Variants in TAFA3 observed in about 807,000 individuals in gnomAD.
TAFA3 encodes TAFA chemokine like family member 3, also known as chemokine-like protein TAFA-3.
In TAFA3, 17 loss-of-function variants were observed where a neutral mutation model predicts 20.7. That is an observed-to-expected ratio of 0.82 (90% CI 0.56 to 1.23). The LOEUF is 1.23. Ranked by LOEUF, TAFA3 falls within the 50% of genes most tolerant of loss-of-function variation. The probability of loss-of-function intolerance (pLI) is 0.00; values close to 1 mark genes in which losing one functional copy is unlikely to be tolerated. For missense variants in TAFA3, 174 were observed against 172.8 expected (o/e 1.01, Z -0.04); for synonymous variants, 74 against 71.8 (o/e 1.03, Z -0.16).
intron 3 of TAFA3, 140 bp downstream of exon 3, chr1:112,722,488 T>C: frequency 5.7e-6 from 4 of 703,722 alleles, no homozygotes; most frequent in Non-Finnish European, 9.4e-6. Flanking sequence ...CGGCTCCTCC[T>C]CTGCTCTTTA....
chr1:112,726,824 A>C lies in TAFA3; in HGVS notation c.*184A>C, dbSNP rs933991016. On this transcript the variant is annotated 3_prime_UTR_variant, in exon 6 of 6. Transcript: ENST00000361886. ...GATATGGATGGATCTGCAATCACAT[A>C]CCTAATGTGGAGCTGGGCTTTTCTG... is the stretch of plus-strand genomic sequence containing the variant. The C allele has an allele frequency of 1.6e-5, 13 of 834,268 alleles. No homozygotes were observed. The highest frequency in any genetic ancestry group is 2.4e-4 in the Middle Eastern group (1 of 4,104). 51.7% of individuals were successfully genotyped at this position (834,268 alleles called of 1,614,324 possible). A position where few individuals can be genotyped will look rare whatever the true frequency, so the allele number is the denominator to read the frequency against.
intron 5 of TAFA3, among the ~76,000 whole-genome samples, chr1:112,724,451 G>A (rs1029076437): frequency 9.2e-5 from 14 of 151,864 alleles, no homozygotes; most frequent in Admixed American, 2.0e-4. Context: ...ATACTATGCA[G>A]CCATAAAAAA....
chr1:112,723,905 C>T (rs1486074984), intron 4 of TAFA3, 108 bp from the exon 5 acceptor site: 1 of 1,608,136 alleles, frequency 6.2e-7, no homozygotes, highest in East Asian at 2.2e-5. Context: ...ATGCATGGCT[C>T]AAGGCCAGGG....
chr1:112,726,551 T>C lies in TAFA3; in HGVS notation c.391-78T>C, dbSNP rs878888622. ...AGCAATGTCCTCTAAGTGACCTGCATATTCTGGGTAGTCTCTGGCATGCTG... is the reference window on the plus strand; with the variant it reads ...AGCAATGTCCTCTAAGTGACCTGCACATTCTGGGTAGTCTCTGGCATGCTG... On this transcript the variant is annotated intron_variant, in intron 5 of 5. Coordinates refer to ENST00000361886, the MANE Select transcript of TAFA3 (RefSeq NM_182759.3). 5 of 1,489,316 alleles carry C rather than the reference T, an allele frequency of 3.4e-6. No homozygotes were observed. In the South Asian group the frequency reaches 4.6e-5, roughly 14 times the overall value. The allele number at this position is 1,489,316 out of a possible 1,614,324, so 92.3% of individuals were successfully genotyped here. A position where few individuals can be genotyped will look rare whatever the true frequency, so the allele number is the denominator to read the frequency against.
At chr1:112,723,804 G>C in intron 4 of TAFA3, 1 of 866,954 alleles carries the variant, frequency 1.2e-6, no homozygotes, top group African/African-American at 1.7e-5. Context: ...TGCAGGGATC[G>C]GTGGGATTAA....
In TAFA3 at chr1:112,726,943, A is replaced by G. The variant is rs1675485335; in HGVS notation, c.*303A>G. 2 of 442,420 alleles carry G rather than the reference A, an allele frequency of 4.5e-6. No individual in the cohort carries two copies. The highest frequency in any genetic ancestry group is 8.1e-5 in the East Asian group (2 of 24,702). 27.4% of individuals were successfully genotyped at this position (442,420 alleles called of 1,614,324 possible). On this transcript the variant is annotated 3_prime_UTR_variant, in exon 6 of 6. Coordinates refer to ENST00000361886, the MANE Select transcript of TAFA3 (RefSeq NM_182759.3). ...AGACAATTTAGATAATTTAGGTTAAAGTACTTGATACCAGACTGCGGCTTC... is the reference window on the plus strand; with the variant it reads ...AGACAATTTAGATAATTTAGGTTAAGGTACTTGATACCAGACTGCGGCTTC...
At chr1:112,725,536 C>T (rs1255210990) in intron 5 of TAFA3, among the ~76,000 whole-genome samples, 2 of 151,168 alleles carry the variant, frequency 1.3e-5, no homozygotes, top group East Asian at 1.9e-4. Context: ...CCCACCCCCA[C>T]CCCATTCCCA....
chr1:112,723,914 G>C, intron 4 of TAFA3, 99 bp from the exon 5 acceptor site: 3 of 1,611,418 alleles, frequency 1.9e-6, no homozygotes, highest in South Asian at 2.2e-5. Context: ...TCAAGGCCAG[G>C]GGTGTGTGGA....
intron 5 of TAFA3, among the ~76,000 whole-genome samples, chr1:112,726,138 A>C (rs1482849943): frequency 1.3e-5 from 2 of 152,150 alleles, no homozygotes; most frequent in Non-Finnish European, 2.9e-5. Flanking sequence ...CTCCATCTCA[A>C]AAAAAGAAAA....
chr1:112,723,984 G>A (rs1170689379), intron 4 of TAFA3, 29 bp from the exon 5 acceptor site: 2 of 1,613,692 alleles, frequency 1.2e-6, no homozygotes, highest in Non-Finnish European at 1.7e-6. Flanking sequence ...AGAGACCCTA[G>A]AGCTGCACTC....
At chr1:112,721,177 G>A (rs1484734662) in intron 2 of TAFA3, among the ~76,000 whole-genome samples, 3 of 152,162 alleles carry the variant, frequency 2.0e-5, no homozygotes, top group Non-Finnish European at 4.4e-5. Flanking sequence ...AAATAAATCA[G>A]GAGAAAAAGT....
At chr1:112,726,589 C>T (rs766521363) in intron 5 of TAFA3, 40 bp from the exon 6 acceptor site, 2 of 1,606,962 alleles carry the variant, frequency 1.2e-6, no homozygotes, top group African/African-American at 1.3e-5. Flanking sequence ...ATGGAATAGG[C>T]ATTCCCTTCT....
chr1:112,726,115 C>T (rs537134295), intron 5 of TAFA3, among the ~76,000 whole-genome samples: 40 of 151,160 alleles, frequency 2.6e-4, no homozygotes, highest in Admixed American at 9.9e-4. Context: ...CCAGTCTGGG[C>T]GACAGAGTGA....
intron 5 of TAFA3, 124 bp from the exon 6 acceptor site, chr1:112,726,505 C>CTTTAGGCCGGGT (rs1675474709): frequency 1.0e-6 from 1 of 1,004,516 alleles, no homozygotes; most frequent in African/African-American, 1.6e-5. Flanking sequence ...TTCCGGCCTG[C>CTTTAGGCCGGGT]TTTAGGGTGA....
chr1:112,724,163 A>G, intron 5 of TAFA3, 26 bp downstream of exon 5: 1 of 1,547,422 alleles, frequency 6.5e-7, no homozygotes, highest in Non-Finnish European at 8.7e-7. Context: ...ACCTCATCCC[A>G]CCCTCCCCTT....
At chr1:112,725,422 C>T (rs1188957025) in intron 5 of TAFA3, among the ~76,000 whole-genome samples, 2 of 148,282 alleles carry the variant, frequency 1.3e-5, no homozygotes, top group African/African-American at 5.0e-5. Flanking sequence ...AAAACATAGT[C>T]GAGAATGGGA....
chr1:112,724,816 C>CAAAAAAAAAAAAAAAA, intron 5 of TAFA3, among the ~76,000 whole-genome samples: 7 of 22,664 alleles, frequency 3.1e-4, no homozygotes, highest in East Asian at 3.2e-3. Context: ...ATTAGAGCAG[C>CAAAAAAAAAAAAAAAA]AAAAAAAAAA....
chr1:112,724,168 C>G, intron 5 of TAFA3, 31 bp downstream of exon 5: 1 of 1,530,436 alleles, frequency 6.5e-7, no homozygotes, highest in Non-Finnish European at 8.8e-7. Flanking sequence ...ATCCCACCCT[C>G]CCCTTCCCTC....
chr1:112,726,766 C>T lies in TAFA3; in HGVS notation c.*126C>T. 1 of 1,448,022 alleles carries T rather than the reference C, an allele frequency of 6.9e-7. No homozygotes were observed. 89.7% of individuals were successfully genotyped at this position (1,448,022 alleles called of 1,614,324 possible). ...GCCTCATGTCAAATGCAGCATCAGT[C>T]TTTCCGGGGCATTTCAGTTAAGCTG... is the stretch of plus-strand genomic sequence containing the variant. On this transcript the variant is annotated 3_prime_UTR_variant, in exon 6 of 6. Coordinates refer to ENST00000361886, the MANE Select transcript of TAFA3 (RefSeq NM_182759.3).
Sources: gnomAD v4.1 joint callset for allele counts (sites outside exome capture counted in the v4.1 genomes callset) on GRCh38, gnomAD v4.1.1 for gene constraint, MANE v1.5 for transcripts, NCBI Gene and HGNC (gene_info 2026-07-23, HGNC 2026-07-21) for gene names.